The following QRSL1 variants were observed in gnomAD, a reference collection of about 807,000 sequenced individuals.
QRSL1 encodes glutaminyl-tRNA amidotransferase subunit QRSL1.
In QRSL1, 54 loss-of-function variants were observed where a neutral mutation model predicts 61.6. The ratio of observed to expected loss-of-function variants is 0.88; its 90% CI spans 0.70 to 1.10. QRSL1 has a LOEUF of 1.10. Ranked by LOEUF, QRSL1 falls within the 50% of genes least tolerant of loss-of-function variation. The probability of loss-of-function intolerance (pLI) is 0.00; values close to 1 mark genes in which losing one functional copy is unlikely to be tolerated. For synonymous variants in QRSL1, 228 were observed against 225.7 expected (o/e 1.01, Z -0.09); for missense variants, 505 against 622.6 (o/e 0.81, Z 2.01).
chr6:106,648,399 A>G (rs1400946813), intron 4 of QRSL1, among the ~76,000 whole-genome samples: 4 of 152,176 alleles, frequency 2.6e-5, no homozygotes, highest in Non-Finnish European at 4.4e-5. Context: ...ATACACACTA[A>G]AGTATTTAGG....
At chr6:106,630,021 G>A (rs1006310293) in intron 1 of QRSL1, among the ~76,000 whole-genome samples, 2 of 152,226 alleles carry the variant, frequency 1.3e-5, no homozygotes, top group Admixed American at 1.3e-4. Context: ...GGGCTTGCGG[G>A]GCCACTTCAG....
intron 9 of QRSL1, among the ~76,000 whole-genome samples, chr6:106,657,127 G>C (rs968122585): frequency 2.7e-4 from 41 of 152,258 alleles, no homozygotes; most frequent in Non-Finnish European, 5.6e-4. Flanking sequence ...AAATTAGCTG[G>C]GCGTGGTGGT....
intron 1 of QRSL1, among the ~76,000 whole-genome samples, chr6:106,639,111 G>GTGT (rs1776967983): frequency 1.6e-5 from 1 of 60,754 alleles, no homozygotes; most frequent in African/African-American, 6.7e-5. Flanking sequence ...TTATTTGTGT[G>GTGT]TTTTGTTGTT....
Position 106,652,602 on chromosome 6 carries a change from A to G in QRSL1, c.849+20A>G. The G allele has an allele frequency of 1.2e-6, 2 of 1,614,028 alleles. No homozygotes were observed. The highest frequency in any genetic ancestry group is 1.7e-6 in the Non-Finnish European group (2 of 1,179,962). ...CCAAAGGTAACTTTTTCCTTTCATT[A>G]CTTTACAGAAATACTGTCAAGTCCA... On this transcript the variant is annotated intron_variant, in intron 7 of 10. Coordinates refer to ENST00000369046, the MANE Select transcript of QRSL1 (RefSeq NM_018292.5).
intron 4 of QRSL1, among the ~76,000 whole-genome samples, chr6:106,647,584 T>C (rs1355176912): frequency 2.2e-5 from 3 of 134,946 alleles, no homozygotes; most frequent in Non-Finnish European, 4.7e-5. Context: ...AGAGAGACAA[T>C]GATAATTAAA....
chr6:106,640,399 A>G lies in QRSL1; in HGVS notation c.75A>G (p.Gln25=), dbSNP rs766019540. ...AAATTACACCAACAGAGCTCTGTCAAAAATGTCTCTCTCTTATCAAGAAGA... is the reference window on the plus strand; with the variant it reads ...AAATTACACCAACAGAGCTCTGTCAGAAATGTCTCTCTCTTATCAAGAAGA... The part of the protein sequence containing the change: ...QGQITPTELC[Q]KCLSLIKKTK... Residue 25 remains glutamine, a synonymous_variant, in exon 2 of 11, where the codon CAA becomes CAG. Transcript: ENST00000369046. 1.2e-6 allele frequency: 2 copies of G among 1,613,244 alleles called. No homozygotes were observed. The highest frequency in any genetic ancestry group is 1.7e-6 in the Non-Finnish European group (2 of 1,179,308).
chr6:106,646,808 C>T (rs1440818595), intron 4 of QRSL1, among the ~76,000 whole-genome samples: 1 of 151,754 alleles, frequency 6.6e-6, no homozygotes, highest in Non-Finnish European at 1.5e-5. Flanking sequence ...GCAGGTGGAT[C>T]ACAAGGTCAG....
chr6:106,654,009 C>T (rs981168992), intron 7 of QRSL1, among the ~76,000 whole-genome samples: 2 of 151,974 alleles, frequency 1.3e-5, no homozygotes, highest in Non-Finnish European at 2.9e-5. Flanking sequence ...GATTATAATA[C>T]CTACATCACA....
At chr6:106,640,589 A>C (rs1163817207) in intron 2 of QRSL1, 81 bp downstream of exon 2, 3 of 1,288,578 alleles carry the variant, frequency 2.3e-6, no homozygotes, top group Non-Finnish European at 3.2e-6. Flanking sequence ...TTGGCAAGTG[A>C]AGCTTTAAAC....
chr6:106,665,236 ATTTC>A (rs1319481877), intron 10 of QRSL1, among the ~76,000 whole-genome samples: 19 of 152,218 alleles, frequency 1.2e-4, no homozygotes, highest in African/African-American at 4.3e-4. Flanking sequence ...CCCTGAGCTA[ATTTC>A]TCATCTAATG....
chr6:106,639,136 T>TGTG (rs1664319558), intron 1 of QRSL1, among the ~76,000 whole-genome samples: 2 of 84,644 alleles, frequency 2.4e-5, no homozygotes, highest in African/African-American at 8.4e-5. Flanking sequence ...TTTTTTTTTT[T>TGTG]TTTTTTTTTT....
At chr6:106,646,952 C>G (rs549969216) in intron 4 of QRSL1, among the ~76,000 whole-genome samples, 2 of 143,754 alleles carry the variant, frequency 1.4e-5, no homozygotes, top group African/African-American at 5.2e-5. Context: ...GGCATGAACC[C>G]GGGAGGCAGA....
At position 106,649,125 on chromosome 6, in the gene QRSL1, GA is replaced by G. The variant is rs1777156737; in HGVS notation, c.483del (p.Asp162IlefsTer5). The G allele has an allele frequency of 6.2e-7, 1 of 1,614,098 alleles. No homozygotes were observed. The highest frequency in any genetic ancestry group is 8.5e-7 in the Non-Finnish European group (1 of 1,180,040). Reference sequence around the variant, plus strand: ...GAAGCAGAATCCCCACAGCGAGAATGAAGATTCAGACTGGCTGATAACTGGA... The same window carrying G: ...GAAGCAGAATCCCCACAGCGAGAATGAGATTCAGACTGGCTGATAACTGGA... The part of the protein sequence containing the change: ...KRKQNPHSEN[E>X]DSDWLITGGS... On this transcript the variant is annotated frameshift_variant, in exon 5 of 11. Coordinates refer to ENST00000369046, the MANE Select transcript of QRSL1 (RefSeq NM_018292.5). LOFTEE classifies it high-confidence loss of function.
In QRSL1 at chr6:106,647,571, A is replaced by G. The variant is rs1251374313; in HGVS notation, c.381-1454A>G. On this transcript the variant is annotated intron_variant, in intron 4 of 10. Coordinates refer to ENST00000369046, the MANE Select transcript of QRSL1 (RefSeq NM_018292.5). The stretch of plus-strand genomic sequence containing the variant: ...GAGACTGTCTCAAAAAAAAAAAAAA[A>G]AGAGAGAGACAATGATAATTAAATG... 1.2e-4 allele frequency among the ~76,000 whole-genome samples: 18 copies of G among 150,842 alleles called. 2 individuals are homozygous for G. The highest frequency in any genetic ancestry group is 1.1e-3 in the South Asian group (5 of 4,758).
intron 7 of QRSL1, 53 bp downstream of exon 7, chr6:106,652,635 G>C: frequency 6.2e-7 from 1 of 1,610,550 alleles, no homozygotes; most frequent in Non-Finnish European, 8.5e-7. Context: ...CCAATAGAGA[G>C]CACAGACTTG....
At chr6:106,630,803 GAATTAT>G (rs1487888291) in intron 1 of QRSL1, among the ~76,000 whole-genome samples, 6 of 152,228 alleles carry the variant, frequency 3.9e-5, no homozygotes, top group African/African-American at 1.2e-4. Context: ...TGGCAGCGTG[GAATTAT>G]AATTATAGAT....
intron 3 of QRSL1, 131 bp from the exon 4 acceptor site, chr6:106,642,863 T>C (rs1403091007): frequency 2.5e-6 from 2 of 788,040 alleles, no homozygotes; most frequent in East Asian, 2.4e-5. Flanking sequence ...AGAAGCGCAC[T>C]GTGTGAGAAC....
chr6:106,655,668 C>T lies in QRSL1; in HGVS notation c.1096C>T (p.Arg366Ter), dbSNP rs768447810. 9.3e-6 allele frequency: 15 copies of T among 1,613,392 alleles called. No homozygotes were observed. The highest frequency in any genetic ancestry group is 3.3e-5 in the Admixed American group (2 of 59,972). ...STEAMYAATR[R>*]EGFNDVVRGR... ...TGAAGCCATGTATGCTGCAACCAGA[C>T]GAGAAGGGTTTAATGATGTGGTGAG... Residue 366 changes from arginine (R) to a stop codon, truncating the protein, a stop_gained, in exon 9 of 11, where the codon CGA (arginine) becomes TGA (stop). Transcript: ENST00000369046. LOFTEE classifies it high-confidence loss of function.
At chr6:106,657,744 C>T (rs1777293927) in intron 9 of QRSL1, among the ~76,000 whole-genome samples, 1 of 152,060 alleles carries the variant, frequency 6.6e-6, no homozygotes, top group South Asian at 2.1e-4. Flanking sequence ...CTCACTCTGT[C>T]ACCCAGGCTG....
Sources: gnomAD v4.1 joint callset for allele counts (sites outside exome capture counted in the v4.1 genomes callset) on GRCh38, gnomAD v4.1.1 for gene constraint, MANE v1.5 for transcripts, NCBI Gene and HGNC (gene_info 2026-07-23, HGNC 2026-07-21) for gene names.